Variants in CNTN5 observed in about 807,000 individuals in gnomAD.
CNTN5 encodes contactin 5.
CNTN5 carries 77 observed loss-of-function variants against 129.1 expected under a neutral mutation model. The ratio of observed to expected loss-of-function variants is 0.60; its 90% confidence interval spans 0.50 to 0.72. The LOEUF is 0.72. Among genes scored for constraint, CNTN5 ranks in the 30% least tolerant of loss-of-function variants. The probability of loss-of-function intolerance (pLI) is 0.00; values close to 1 mark genes in which losing one functional copy is unlikely to be tolerated. For missense variants in CNTN5, 1,478 were observed against 1,328.8 expected, an observed-to-expected ratio of 1.11 and a Z score of -1.75; for synonymous variants, 509 against 465.6, an observed-to-expected ratio of 1.09 and a Z score of -1.20.
chr11:100,267,724 C>T (rs573257205), intron 17 of CNTN5, among the ~76,000 whole-genome samples: 80 of 152,194 alleles, frequency 5.3e-4, no homozygotes, highest in Admixed American at 9.8e-4. Flanking sequence ...AAGACCAGAT[C>T]ATACAGTACT....
At chr11:100,091,122 G>C (rs1944764188) in intron 13 of CNTN5, among the ~76,000 whole-genome samples, 1 of 151,966 alleles carries the variant, frequency 6.6e-6, no homozygotes, top group Admixed American at 6.6e-5. Flanking sequence ...ATTTCTTCAT[G>C]CTCATGAAAG....
chr11:100,250,119 G>A (rs559092858), intron 16 of CNTN5, among the ~76,000 whole-genome samples: 1 of 151,664 alleles, frequency 6.6e-6, no homozygotes, highest in Non-Finnish European at 1.5e-5. Flanking sequence ...TTCTAATAAG[G>A]ATCATCCTTA....
At chr11:99,992,060 G>A (rs1312900270) in intron 8 of CNTN5, among the ~76,000 whole-genome samples, 1 of 152,204 alleles carries the variant, frequency 6.6e-6, no homozygotes, top group African/African-American at 2.4e-5. Context: ...ACAAGAAACA[G>A]ATATGAAGTA....
At chr11:99,926,266 C>A (rs1229734348) in intron 7 of CNTN5, among the ~76,000 whole-genome samples, 2 of 151,970 alleles carry the variant, frequency 1.3e-5, no homozygotes, top group Admixed American at 6.6e-5. Context: ...GACAAGGCAA[C>A]TAGAAGATGA....
At chr11:99,642,858 T>G (rs562564115) in intron 3 of CNTN5, among the ~76,000 whole-genome samples, 12 of 152,292 alleles carry the variant, frequency 7.9e-5, no homozygotes, top group Admixed American at 7.2e-4. Flanking sequence ...ATTAGCCCTG[T>G]GCTTGACTTA....
chr11:99,689,530 GA>G (rs368912453), intron 3 of CNTN5, among the ~76,000 whole-genome samples: 59 of 92,904 alleles, frequency 6.4e-4, no homozygotes, highest in Admixed American at 1.7e-3. Flanking sequence ...CCTCAAAAAA[GA>G]AAAAAAAAAA....
At chr11:99,655,980 G>T (rs552963405) in intron 3 of CNTN5, among the ~76,000 whole-genome samples, 2 of 151,842 alleles carry the variant, frequency 1.3e-5, no homozygotes, top group Non-Finnish European at 2.9e-5. Flanking sequence ...ATATATGCAT[G>T]TGTGTATATA....
intron 1 of CNTN5, among the ~76,000 whole-genome samples, chr11:99,138,439 C>T (rs1258584076): frequency 6.6e-6 from 1 of 151,776 alleles, no homozygotes; most frequent in African/African-American, 2.4e-5. Flanking sequence ...ATGTATAAAC[C>T]CAGGTGCATT....
intron 2 of CNTN5, among the ~76,000 whole-genome samples, chr11:99,484,086 A>C (rs1293063517): frequency 6.6e-6 from 1 of 152,172 alleles, no homozygotes; most frequent in Non-Finnish European, 1.5e-5. Flanking sequence ...ACGTCTACAC[A>C]ACAAAGGAAA....
At chr11:99,297,494 C>A (rs192993163) in intron 1 of CNTN5, among the ~76,000 whole-genome samples, 1 of 152,122 alleles carries the variant, frequency 6.6e-6, no homozygotes, top group Non-Finnish European at 1.5e-5. Flanking sequence ...CAAACCCATT[C>A]TTGGCCAAGA....
intron 9 of CNTN5, among the ~76,000 whole-genome samples, chr11:100,038,761 G>A (rs1942191679): frequency 6.6e-6 from 1 of 151,966 alleles, no homozygotes; most frequent in African/African-American, 2.4e-5. Context: ...TTGGTTTAAA[G>A]TCTGTTTTAT....
At chr11:99,853,072 T>C (rs192838782) in intron 6 of CNTN5, among the ~76,000 whole-genome samples, 44 of 152,216 alleles carry the variant, frequency 2.9e-4, no homozygotes, top group African/African-American at 9.9e-4. Flanking sequence ...AAAGGGGCAG[T>C]ATAAATAAAG....
intron 2 of CNTN5, among the ~76,000 whole-genome samples, chr11:99,452,716 T>C (rs1042825047): frequency 1.3e-4 from 20 of 152,094 alleles, no homozygotes; most frequent in African/African-American, 4.1e-4. Context: ...TCCTTAAGTA[T>C]TGTGGTAGAT....
chr11:99,465,634 T>G (rs200866487), intron 2 of CNTN5, among the ~76,000 whole-genome samples: 2 of 18,660 alleles, frequency 1.1e-4, no homozygotes, highest in Non-Finnish European at 1.2e-3. Flanking sequence ...ATGAATAAAT[T>G]AATTTTTTTT....
intron 2 of CNTN5, among the ~76,000 whole-genome samples, chr11:99,418,840 GTCCT>G (rs1468805179): frequency 6.6e-6 from 1 of 152,108 alleles, no homozygotes; most frequent in Non-Finnish European, 1.5e-5. Context: ...TAAAGTCCAT[GTCCT>G]ACTTTATGTC....
intron 13 of CNTN5, among the ~76,000 whole-genome samples, chr11:100,172,190 G>A (rs531735174): frequency 1.7e-4 from 26 of 151,838 alleles, no homozygotes; most frequent in Non-Finnish European, 3.5e-4. Flanking sequence ...AGTAGTTACT[G>A]TCTCTATCTG....
At chr11:99,780,880 G>A (rs1945287779) in intron 3 of CNTN5, among the ~76,000 whole-genome samples, 1 of 151,986 alleles carries the variant, frequency 6.6e-6, no homozygotes, top group South Asian at 2.1e-4. Context: ...AAATGAGAGA[G>A]AATCCTTGGT....
At chr11:99,284,001 G>A (rs2447139) in intron 1 of CNTN5, among the ~76,000 whole-genome samples, 144,115 of 152,218 alleles carry the variant, frequency 0.95, 68,278 homozygotes, top group East Asian at 1. Context: ...AAACTTTAGC[G>A]TGGTAACAAG....
chr11:100,299,121 C>A, intron 19 of CNTN5, 41 bp from the exon 20 acceptor site: 4 of 1,270,118 alleles, frequency 3.1e-6, no homozygotes, highest in South Asian at 2.9e-5. Context: ...GATTTTTAAT[C>A]AATCATTTTG....
Sources: gnomAD v4.1 joint callset for allele counts (sites outside exome capture counted in the v4.1 genomes callset) on GRCh38, gnomAD v4.1.1 for gene constraint, MANE v1.5 for transcripts, NCBI Gene and HGNC (gene_info 2026-07-23, HGNC 2026-07-21) for gene names.